PRKAG2: variants seen among roughly 807,000 people sequenced by gnomAD.
PRKAG2 encodes 5'-AMP-activated protein kinase subunit gamma-2.
Under a neutral mutation model 69.6 loss-of-function variants are expected in PRKAG2, and 26 were observed. The observed-to-expected ratio is 0.37, with a 90% confidence interval of 0.27 to 0.52. The LOEUF (loss-of-function observed/expected upper bound fraction) is 0.52, where lower values mean the gene tolerates loss of function less well. Ranked by LOEUF, PRKAG2 falls within the 20% of genes least tolerant of loss-of-function variation. The pLI is 0.90. For synonymous variants in PRKAG2, 293 were observed against 285.0 expected, an observed-to-expected ratio of 1.03 and a Z score of -0.28; for missense variants, 557 against 740.0, an observed-to-expected ratio of 0.75 and a Z score of 2.87.
At chr7:151,571,671 C>T (rs947543408) in intron 9 of PRKAG2, among the ~76,000 whole-genome samples, 3 of 152,166 alleles carry the variant, frequency 2.0e-5, no homozygotes, top group African/African-American at 7.2e-5. Context: ...ACAATCACTG[C>T]ACAACAGACT....
At position 151,874,433 on chromosome 7, in the gene PRKAG2, ATG is replaced by A. The variant is rs1291888242; in HGVS notation, c.114+2072_114+2073del. On this transcript the variant is annotated intron_variant, in intron 1 of 15. Transcript: ENST00000287878. The stretch of plus-strand genomic sequence containing the variant: ...TATGATGTATATGTATATGTATATG[ATG>A]TATATGTATATGTATATGATGTATA... Among the ~76,000 whole-genome samples the A allele has an allele frequency of 8.5e-3, 253 of 29,870 alleles. 45 individuals carry two copies. The highest frequency in any genetic ancestry group is 9.8e-3 in the Non-Finnish European group (124 of 12,714). 19.6% of individuals were successfully genotyped at this position (29,870 alleles called of 152,430 possible).
At chr7:151,580,533 A>T (rs747409743) in intron 6 of PRKAG2, among the ~76,000 whole-genome samples, 6 of 152,208 alleles carry the variant, frequency 3.9e-5, no homozygotes, top group Non-Finnish European at 8.8e-5. Context: ...AGCAAAATAT[A>T]TAACAATAGC....
At chr7:151,842,817 G>A (rs571669430) in intron 1 of PRKAG2, among the ~76,000 whole-genome samples, 55 of 151,984 alleles carry the variant, frequency 3.6e-4, no homozygotes, top group African/African-American at 1.3e-3. Context: ...CTGCCGTGAA[G>A]CAGAGGAGGC....
chr7:151,688,049 C>CCCCG (rs976066654), intron 3 of PRKAG2, among the ~76,000 whole-genome samples: 4 of 144,402 alleles, frequency 2.8e-5, no homozygotes, highest in African/African-American at 1.0e-4. Flanking sequence ...GAGGCCCCCC[C>CCCCG]CCGGGCTCCT....
At chr7:151,668,024 GCAATTTGAT>G (rs1321240826) in intron 4 of PRKAG2, among the ~76,000 whole-genome samples, 1 of 152,244 alleles carries the variant, frequency 6.6e-6, no homozygotes, top group African/African-American at 2.4e-5. Context: ...AACCCATGTT[GCAATTTGAT>G]CCCCCAATGT....
At chr7:151,754,268 G>A (rs929308184) in intron 3 of PRKAG2, among the ~76,000 whole-genome samples, 1 of 152,256 alleles carries the variant, frequency 6.6e-6, no homozygotes, top group African/African-American at 2.4e-5. Flanking sequence ...TGGCGCCAGA[G>A]GGCGCTGTCC....
rs1466524836 is a variant in PRKAG2, at chr7:151,876,898, AG to A, written c.-279del. On this transcript the variant is annotated 5_prime_UTR_variant, in exon 1 of 16. It removes the in-frame stop codon of an upstream open reading frame in the 5' UTR. Coordinates refer to ENST00000287878, the MANE Select transcript of PRKAG2 (RefSeq NM_016203.4). ...TGTCTCCCCGGGTTACTCGTGGCTGAGGTCTCCCGCTGGGTGACAAAGTTTT... is the reference window on the plus strand; with the variant it reads ...TGTCTCCCCGGGTTACTCGTGGCTGAGTCTCCCGCTGGGTGACAAAGTTTT... 5 of 538,788 alleles carry A rather than the reference AG, an allele frequency of 9.3e-6. No individual in the cohort carries two copies. Among genetic ancestry groups the A allele is most frequent in the Non-Finnish European group, 1.7e-5 (5 of 298,528 alleles). The allele number at this position is 538,788 out of a possible 1,614,324, so 33.4% of individuals were successfully genotyped here.
In PRKAG2 at chr7:151,781,118, G is replaced by A; in HGVS notation, c.466+34C>T. The A allele has an allele frequency of 6.2e-7, 1 of 1,612,730 alleles. No homozygotes were observed. Among genetic ancestry groups the A allele is most frequent in the Non-Finnish European group, 8.5e-7 (1 of 1,179,844 alleles). ...TGCAGAAGAGACCCCCAGCACCCCA[G>A]CACCCACCTGAAACAATAGCATCAA... is the stretch of plus-strand genomic sequence containing the variant. On this transcript the variant is annotated intron_variant, in intron 3 of 15. Transcript: ENST00000287878. The surrounding 1 kb of genome is among the most constrained non-coding windows in gnomAD (Gnocchi z 6.1).
chr7:151,705,934 T>C (rs534452922), intron 3 of PRKAG2, among the ~76,000 whole-genome samples: 23 of 151,162 alleles, frequency 1.5e-4, no homozygotes, highest in African/African-American at 4.6e-4. Context: ...TCTGTGCACC[T>C]GCAACTCCCA....
Position 151,835,995 on chromosome 7 carries a change from G to A in PRKAG2, c.114+40512C>T, listed in dbSNP as rs1242857297. ...ATGGACCAGCGTGTCTGAGCTCCCT[G>A]TGAATGTATCTAATTTGTGGGACTT... is the stretch of plus-strand genomic sequence containing the variant. On this transcript the variant is annotated intron_variant, in intron 1 of 15. Transcript: ENST00000287878. The surrounding 1 kb of genome is among the most constrained non-coding windows in gnomAD (Gnocchi z 4.1). Among the ~76,000 whole-genome samples the A allele has an allele frequency of 2.0e-5, 3 of 152,180 alleles. No individual in the cohort carries two copies. The highest frequency in any genetic ancestry group is 4.8e-5 in the African/African-American group (2 of 41,454).
chr7:151,562,338 G>T (rs564282458), intron 14 of PRKAG2, among the ~76,000 whole-genome samples: 1 of 146,944 alleles, frequency 6.8e-6, no homozygotes, highest in African/African-American at 2.5e-5. Flanking sequence ...TCTCTGTATT[G>T]AACAGTGATA....
chr7:151,688,899 G>A (rs1473503785), intron 3 of PRKAG2, among the ~76,000 whole-genome samples: 4 of 152,120 alleles, frequency 2.6e-5, no homozygotes, highest in Non-Finnish European at 5.9e-5. Context: ...AAATGTTCAC[G>A]TGGTTCCCCT....
intron 1 of PRKAG2, among the ~76,000 whole-genome samples, chr7:151,840,495 T>C (rs2079251314): frequency 6.6e-6 from 1 of 152,138 alleles, no homozygotes; most frequent in Non-Finnish European, 1.5e-5. Context: ...CAATTGATCC[T>C]CCCATCTCAG....
intron 3 of PRKAG2, among the ~76,000 whole-genome samples, chr7:151,693,285 C>T (rs868354241): frequency 1.1e-4 from 16 of 152,266 alleles, no homozygotes; most frequent in South Asian, 2.1e-4. Flanking sequence ...AGGCCCAAGG[C>T]GGCCATAAGG....
intron 4 of PRKAG2, among the ~76,000 whole-genome samples, chr7:151,653,102 A>C (rs1828814445): frequency 6.6e-6 from 1 of 152,224 alleles, no homozygotes; most frequent in Non-Finnish European, 1.5e-5. Context: ...TGAGGTATCA[A>C]CAGAAAAAAC....
At chr7:151,789,310 G>C (rs2077160643) in intron 1 of PRKAG2, among the ~76,000 whole-genome samples, 1 of 152,054 alleles carries the variant, frequency 6.6e-6, no homozygotes, top group Non-Finnish European at 1.5e-5. Context: ...TCATTTATTT[G>C]CGTGTCTTCT....
In PRKAG2 at chr7:151,632,472, G is replaced by C; in HGVS notation, c.685-334C>G. On this transcript the variant is annotated intron_variant, in intron 4 of 15. Coordinates refer to ENST00000287878, the MANE Select transcript of PRKAG2 (RefSeq NM_016203.4). The surrounding 1 kb of genome is among the most constrained non-coding windows in gnomAD (Gnocchi z 4.2). ...CTCGAGGGCGGCAGCGCCTGGGCCC[G>C]GGGCGCCCCCCTCCGGCCGTGGCCC... 1 of 761,358 alleles carries C rather than the reference G, an allele frequency of 1.3e-6. No individual in the cohort carries two copies. Among genetic ancestry groups the C allele is most frequent in the Non-Finnish European group, 1.6e-6 (1 of 626,010 alleles). The allele number at this position is 761,358 out of a possible 1,614,324, so 47.2% of individuals were successfully genotyped here.
intron 4 of PRKAG2, among the ~76,000 whole-genome samples, chr7:151,655,394 C>T (rs1024956484): frequency 6.6e-6 from 1 of 152,146 alleles, no homozygotes; most frequent in Non-Finnish European, 1.5e-5. Context: ...TGCAGAATCA[C>T]CTGTGTGTGA....
At chr7:151,703,845 AACACACACACAC>A (rs535818189) in intron 3 of PRKAG2, among the ~76,000 whole-genome samples, 4,848 of 88,504 alleles carry the variant, frequency 0.055, 151 homozygotes, top group Middle Eastern at 0.074. Flanking sequence ...TTTACTGGAA[AACACACACACAC>A]ACACACACAC....
Sources: allele counts gnomAD v4.1 joint callset (sites outside exome capture counted in the v4.1 genomes callset), GRCh38; gene constraint gnomAD v4.1.1; non-coding constraint Gnocchi (gnomAD v3.1); transcripts MANE v1.5; gene names NCBI Gene and HGNC (gene_info 2026-07-23, HGNC 2026-07-21).